Variants in SP140 observed in about 807,000 individuals in gnomAD.
The protein encoded by SP140 is nuclear body protein SP140.
Under a neutral mutation model 125.0 loss-of-function variants are expected in SP140, and 81 were observed. The observed-to-expected ratio is 0.65, with a 90% CI of 0.54 to 0.78. The LOEUF (loss-of-function observed/expected upper bound fraction) is 0.78. SP140 is among the 30% of genes least tolerant of loss of function. The probability of loss-of-function intolerance (pLI) is 0.00; values close to 1 mark genes in which losing one functional copy is unlikely to be tolerated. For missense variants in SP140, 858 were observed against 1,037.0 expected (o/e 0.83, Z 2.37); for synonymous variants, 312 against 354.0 (o/e 0.88, Z 1.33).
chr2:230,311,917 T>C (rs1322434678), intron 26 of SP140, among the ~76,000 whole-genome samples: 3 of 152,212 alleles, frequency 2.0e-5, no homozygotes, highest in Non-Finnish European at 4.4e-5. Context: ...TAAAGTGGTA[T>C]TGTGCTTCTT....
downstream of SP140, among the ~76,000 whole-genome samples, chr2:230,313,938 G>A (rs1344792167): frequency 6.6e-6 from 1 of 152,184 alleles, no homozygotes; most frequent in Non-Finnish European, 1.5e-5. Flanking sequence ...TGCCATTAAT[G>A]TCCTGAAAAG....
chr2:230,216,928 C>A (rs778905046), intron 3 of SP140: 2 of 1,613,130 alleles, frequency 1.2e-6, no homozygotes, highest in Non-Finnish European at 1.7e-6. Flanking sequence ...TGGTGAACAT[C>A]CTATGGAAAG....
intron 3 of SP140, chr2:230,216,931 A>G: frequency 1.9e-6 from 3 of 1,613,006 alleles, no homozygotes; most frequent in Non-Finnish European, 1.7e-6. Flanking sequence ...TGAACATCCT[A>G]TGGAAAGAGG....
intron 22 of SP140, among the ~76,000 whole-genome samples, chr2:230,300,892 A>G (rs1215237897): frequency 6.6e-6 from 1 of 152,220 alleles, no homozygotes; most frequent in Non-Finnish European, 1.5e-5. Context: ...ACTTAAAGGA[A>G]TTAAAATAAT....
chr2:230,254,580 T>C (rs1266284278), intron 11 of SP140, among the ~76,000 whole-genome samples: 1 of 152,220 alleles, frequency 6.6e-6, no homozygotes, highest in African/African-American at 2.4e-5. Flanking sequence ...TCCCCTGAAC[T>C]TAGAAACTCC....
intron 18 of SP140, among the ~76,000 whole-genome samples, chr2:230,288,521 CTTTT>C (rs1206649423): frequency 8.2e-5 from 9 of 109,134 alleles, no homozygotes; most frequent in African/African-American, 1.8e-4. Context: ...TTCTTTCTTT[CTTTT>C]TTTATTCTTT....
At chr2:230,253,181 GAGA>G in intron 10 of SP140, 132 bp from the exon 11 acceptor site, 1 of 665,154 alleles carries the variant, frequency 1.5e-6, no homozygotes, top group Non-Finnish European at 2.7e-6. Context: ...GAGAATTAGA[GAGA>G]AGGAGAAAGA....
upstream of SP140, among the ~76,000 whole-genome samples, chr2:230,198,697 C>A (rs2148835530): frequency 6.6e-6 from 1 of 152,178 alleles, no homozygotes; most frequent in Admixed American, 6.5e-5. Flanking sequence ...TGGGTTCAAG[C>A]AATTCTCCTG....
chr2:230,304,661 G>A (rs1047400662), intron 22 of SP140, among the ~76,000 whole-genome samples: 3 of 152,132 alleles, frequency 2.0e-5, no homozygotes, highest in African/African-American at 7.2e-5. Flanking sequence ...AAGGGGGAAA[G>A]GACACCCCAT....
At chr2:230,259,275 A>G (rs886636620) in intron 12 of SP140, among the ~76,000 whole-genome samples, 5 of 152,006 alleles carry the variant, frequency 3.3e-5, no homozygotes, top group Admixed American at 2.6e-4. Flanking sequence ...CAAGTCCCCA[A>G]AGTCCATTGC....
chr2:230,296,644 C>A (rs988271007), intron 21 of SP140, among the ~76,000 whole-genome samples: 1 of 152,192 alleles, frequency 6.6e-6, no homozygotes, highest in Non-Finnish European at 1.5e-5. Context: ...CTGCAGAAAG[C>A]AGTGCTCTTC....
intron 3 of SP140, chr2:230,238,894 G>A (rs2048340553): frequency 1.3e-6 from 2 of 1,550,886 alleles, no homozygotes; most frequent in African/African-American, 1.4e-5. Context: ...GACAGAAAAG[G>A]GGGTTGGTGG....
Position 230,255,517 on chromosome 2 carries a change from G to A in SP140, c.1225G>A (p.Ala409Thr), listed in dbSNP as rs1266352504. The change falls in exon 12 of 27, where the codon GCA (alanine) becomes ACA (threonine). Residue 409 changes from alanine to threonine, a missense_variant. Physicochemically the swap from Ala to Thr is moderately conservative, Grantham distance 58. This residue lies in a region of SP140 where 791 missense variants were observed against 869.5 expected (regional missense o/e 0.91). Coordinates refer to ENST00000392045, the MANE Select transcript of SP140 (RefSeq NM_007237.5). ...EERQEASSSL[A>T]RRGSVSSELE... is the part of the protein sequence containing the mutation. ...GCGCCAGGAAGCCTCTAGCTCCCTA[G>A]CAAGACGTGGGTCAGGTAAGGACGG... 3 of 1,601,198 alleles carry A rather than the reference G, an allele frequency of 1.9e-6. No individual in the cohort carries two copies. The highest frequency in any genetic ancestry group is 1.7e-5 in the Admixed American group (1 of 58,418).
the SP140 span, among the ~76,000 whole-genome samples, chr2:230,189,911 T>C: frequency 6.6e-6 from 1 of 152,252 alleles, no homozygotes; most frequent in Non-Finnish European, 1.5e-5. Flanking sequence ...CCATGATGTA[T>C]ATGTACCACA....
intron 12 of SP140, among the ~76,000 whole-genome samples, chr2:230,265,714 T>C (rs948429573): frequency 6.6e-6 from 1 of 151,864 alleles, no homozygotes; most frequent in African/African-American, 2.4e-5. Flanking sequence ...ACCTTCAGCT[T>C]CTCCAGTGGG....
rs544720291 is a variant in SP140 at position 230,285,835 on chromosome 2, A to C, written c.1645+3A>C. ...GAAAGACCTTTCCAAGATTAGGGGT[A>C]AGATAAAGTTTGTCCGCTTTCCCTT... On this transcript the variant is annotated splice_donor_region_variant and intron_variant, in intron 17 of 26. Coordinates refer to ENST00000392045, the MANE Select transcript of SP140 (RefSeq NM_007237.5). 2 of 1,609,122 alleles carry C rather than the reference A, an allele frequency of 1.2e-6. No individual in the cohort carries two copies. The highest frequency in any genetic ancestry group is 2.7e-5 in the African/African-American group (2 of 74,952).
At chr2:230,290,618 T>C (rs1363938547) in intron 19 of SP140, 54 bp downstream of exon 19, 33 of 1,385,240 alleles carry the variant, frequency 2.4e-5, no homozygotes, top group Non-Finnish European at 3.3e-5. Context: ...GCATCACAAG[T>C]AGTGGGGAAT....
chr2:230,188,494 A>T, the SP140 span, among the ~76,000 whole-genome samples: 1 of 151,808 alleles, frequency 6.6e-6, no homozygotes, highest in Non-Finnish European at 1.5e-5. Context: ...CTCTTTTCTG[A>T]TTGTTCTGGC....
intron 1 of SP140, among the ~76,000 whole-genome samples, chr2:230,207,029 A>G (rs2043941141): frequency 6.6e-6 from 1 of 152,164 alleles, no homozygotes; most frequent in Non-Finnish European, 1.5e-5. Flanking sequence ...TTAGGTTGTA[A>G]AAGCCAGCAA....
Sources: gnomAD v4.1 joint callset for allele counts (sites outside exome capture counted in the v4.1 genomes callset) on GRCh38, gnomAD v4.1.1 for gene constraint, gnomAD v4.1.1 regional missense constraint, MANE v1.5 for transcripts, NCBI Gene and HGNC (gene_info 2026-07-23, HGNC 2026-07-21) for gene names.